CPN2: variants seen among roughly 807,000 people sequenced by gnomAD.
CPN2 encodes the protein carboxypeptidase N 83 kDa chain.
For missense variants in CPN2, 620 were observed against 671.4 expected (o/e 0.92, Z 0.85); for synonymous variants, 336 against 318.4 (o/e 1.06, Z -0.59).
At chr3:194,347,411 C>T (rs964013989) in intron 1 of CPN2, among the ~76,000 whole-genome samples, 3 of 152,120 alleles carry the variant, frequency 2.0e-5, no homozygotes, top group African/African-American at 4.8e-5. Flanking sequence ...TGCCACCCGA[C>T]GCTGGCTCCA....
intron 1 of CPN2, among the ~76,000 whole-genome samples, chr3:194,345,145 G>A (rs1430790915): frequency 6.6e-6 from 1 of 152,208 alleles, no homozygotes; most frequent in African/African-American, 2.4e-5. Flanking sequence ...TATGCCCAGA[G>A]CAGCAGTGAC....
At chr3:194,344,686 C>T (rs1000115445) in intron 1 of CPN2, among the ~76,000 whole-genome samples, 9 of 151,976 alleles carry the variant, frequency 5.9e-5, no homozygotes, top group Admixed American at 2.6e-4. Flanking sequence ...CAGAGTGAGA[C>T]GTCCATCTCA....
chr3:194,345,023 A>G (rs9868637), intron 1 of CPN2, among the ~76,000 whole-genome samples: 45,961 of 152,004 alleles, frequency 0.3, 7,411 homozygotes, highest in African/African-American at 0.4. Context: ...GAAAGAAGCC[A>G]CCCCTGACCC....
chr3:194,342,242 C>T lies in CPN2; in HGVS notation c.461G>A (p.Gly154Glu), dbSNP rs1712871628. 1 of 1,613,792 alleles carries T rather than the reference C, an allele frequency of 6.2e-7. No homozygotes were observed. The highest frequency in any genetic ancestry group is 1.7e-5 in the Admixed American group (1 of 60,000). Residue 154 changes from glycine (G) to glutamate (E), a missense_variant, in exon 2 of 2, where the codon GGG (glycine) becomes GAG (glutamate). Gly to Glu is a moderately conservative substitution (Grantham distance 98). Coordinates refer to ENST00000323830, the MANE Select transcript of CPN2 (RefSeq NM_001080513.4). ...CCTGGGCAGGGCCTGGAGCTGGTTC[C>T]CCTGCAGGTGGAGGGACTCCAGGGC... Reference protein sequence around the residue: ...LAALESLHLQGNQLQALPRRL... With the variant: ...LAALESLHLQENQLQALPRRL...
intron 1 of CPN2, among the ~76,000 whole-genome samples, chr3:194,346,870 A>G (rs1486987709): frequency 2.0e-5 from 3 of 152,158 alleles, no homozygotes; most frequent in African/African-American, 7.2e-5. Flanking sequence ...CTGTGAGCCA[A>G]TGAGACGCCT....
Position 194,341,756 on chromosome 3 carries a change from C to A in CPN2, c.947G>T (p.Arg316Leu). ...GGCATTGTATGAGAGCATGAGGGAA[C>A]GCAGGTTGGACAGGTGGGCAAAGGT... The part of the protein sequence containing the change: ...EGTFAHLSNL[R>L]SLMLSYNAIT... Residue 316 changes from arginine (R) to leucine (L), a missense_variant, in exon 2 of 2, where the codon CGT (arginine) becomes CTT (leucine). Transcript: ENST00000323830. The A allele has an allele frequency of 6.2e-7, 1 of 1,613,996 alleles. No individual in the cohort carries two copies. Among genetic ancestry groups the A allele is most frequent in the Non-Finnish European group, 8.5e-7 (1 of 1,180,018 alleles).
chr3:194,340,173 C>A lies in CPN2; in HGVS notation c.*892G>T, dbSNP rs1712750229. The A allele has an allele frequency of 6.6e-6, 1 of 152,108 alleles. No homozygotes were observed. The highest frequency in any genetic ancestry group is 6.6e-5 in the Admixed American group (1 of 15,262). The allele number at this position is 152,108 out of a possible 1,614,324, so 9.4% of individuals were successfully genotyped here. The stretch of plus-strand genomic sequence containing the variant: ...CAGGTTGTAAACTGTTTCTTATCGA[C>A]TTAAAAGGGGTGCCTGGCTCTTAGT... On this transcript the variant is annotated 3_prime_UTR_variant, in exon 2 of 2. Coordinates refer to ENST00000323830, the MANE Select transcript of CPN2 (RefSeq NM_001080513.4).
rs1712901645 is a variant in CPN2, at chr3:194,342,672, A to G, written c.31T>C (p.Ser11Pro). Residue 11 changes from serine to proline, a missense_variant, in exon 2 of 2, where the codon TCC becomes CCC. By Grantham distance (74) the Ser-to-Pro change is moderately conservative. Coordinates refer to ENST00000323830, the MANE Select transcript of CPN2 (RefSeq NM_001080513.4). MLPGAWLLWTSLLLLARPAQP... is the reference protein window; with the variant it reads MLPGAWLLWTPLLLLARPAQP... ...GCAGGCCTGGCCAGGAGCAGGAGGG[A>G]GGTCCAGAGCAGCCAGGCTCCAGGG... is the stretch of plus-strand genomic sequence containing the variant. 2 of 1,571,812 alleles carry G rather than the reference A, an allele frequency of 1.3e-6. No individual in the cohort carries two copies. The highest frequency in any genetic ancestry group is 1.7e-6 in the Non-Finnish European group (2 of 1,147,818).
At chr3:194,348,327 C>CCACCTCACCCTCTGCCCAGTTCAGCT in intron 1 of CPN2, among the ~76,000 whole-genome samples, 1 of 150,060 alleles carries the variant, frequency 6.7e-6, no homozygotes, top group East Asian at 2.0e-4. Flanking sequence ...CCAGTTCAGC[C>CCACCTCACCCTCTGCCCAGTTCAGCT]CACCCCATCC....
Position 194,342,449 on chromosome 3 carries a change from A to G in CPN2, c.254T>C (p.Leu85Pro), listed in dbSNP as rs201809842. ...GAAGGCATCCGGCCTAAACTGGCAG[A>G]GCTGAGTGTTGAGGAAGACCACCTT... is the stretch of plus-strand genomic sequence containing the variant. Reference protein sequence around the residue: ...LTKVVFLNTQLCQFRPDAFGG... With the variant: ...LTKVVFLNTQPCQFRPDAFGG... Residue 85 changes from leucine to proline, a missense_variant, in exon 2 of 2, where the codon CTC becomes CCC. Physicochemically the swap from Leu to Pro is moderately conservative, Grantham distance 98. Transcript: ENST00000323830. 6.2e-7 allele frequency: 1 copy of G among 1,614,240 alleles called. No individual in the cohort carries two copies. The highest frequency in any genetic ancestry group is 2.2e-5 in the East Asian group (1 of 44,894).
chr3:194,340,762 T>C lies in CPN2; in HGVS notation c.*303A>G, dbSNP rs574964468. Reference sequence around the variant, plus strand: ...GTGAGAGCGGTTGGGTGTTACATAATGGGGAGGCATCAGGGCTGAGGATAT... The same window carrying C: ...GTGAGAGCGGTTGGGTGTTACATAACGGGGAGGCATCAGGGCTGAGGATAT... On this transcript the variant is annotated 3_prime_UTR_variant, in exon 2 of 2. Coordinates refer to ENST00000323830, the MANE Select transcript of CPN2 (RefSeq NM_001080513.4). 23 of 348,586 alleles carry C rather than the reference T, an allele frequency of 6.6e-5. No homozygotes were observed. The highest frequency in any genetic ancestry group is 4.7e-4 in the African/African-American group (23 of 49,442). 21.6% of individuals were successfully genotyped at this position (348,586 alleles called of 1,614,324 possible).
chr3:194,351,175 C>T (rs560275045), intron 1 of CPN2, 67 bp downstream of exon 1: 42 of 152,386 alleles, frequency 2.8e-4, no homozygotes, highest in African/African-American at 9.9e-4. Flanking sequence ...GGGGAGATCG[C>T]AAGTTCCCGT....
chr3:194,341,042 C>A lies in CPN2; in HGVS notation c.*23G>T. ...TGGTCAGGCCCCAGAGGCCCCCTTC[C>A]CCAGCTCCTGTATGCGCTGCTACTA... is the stretch of plus-strand genomic sequence containing the variant. On this transcript the variant is annotated 3_prime_UTR_variant, in exon 2 of 2. Coordinates refer to ENST00000323830, the MANE Select transcript of CPN2 (RefSeq NM_001080513.4). The A allele has an allele frequency of 6.4e-7, 1 of 1,565,776 alleles. No homozygotes were observed. Among genetic ancestry groups the A allele is most frequent in the Admixed American group, 1.8e-5 (1 of 56,834 alleles).
rs369285370 is a variant in CPN2 at position 194,341,014 on chromosome 3, G to C, written c.*51C>G. On this transcript the variant is annotated 3_prime_UTR_variant, in exon 2 of 2. Coordinates refer to ENST00000323830, the MANE Select transcript of CPN2 (RefSeq NM_001080513.4). Reference sequence around the variant, plus strand: ...CAGCTCCCCTCCGCCCCTACCTGTCGCCTGGTCAGGCCCCAGAGGCCCCCT... The same window carrying C: ...CAGCTCCCCTCCGCCCCTACCTGTCCCCTGGTCAGGCCCCAGAGGCCCCCT... The C allele has an allele frequency of 3.3e-6, 5 of 1,520,026 alleles. No homozygotes were observed. In the South Asian group the frequency reaches 6.4e-5, roughly 19 times the overall value. 94.2% of individuals were successfully genotyped at this position (1,520,026 alleles called of 1,614,324 possible). A position where few individuals can be genotyped will look rare whatever the true frequency, so the allele number is the denominator to read the frequency against.
chr3:194,345,488 G>A (rs947503467), intron 1 of CPN2, among the ~76,000 whole-genome samples: 6 of 152,152 alleles, frequency 3.9e-5, no homozygotes, highest in East Asian at 3.8e-4. Flanking sequence ...CACTGTGCCC[G>A]GCAAATTCTT....
rs201648991 is a variant in CPN2, at chr3:194,342,311, T to C, written c.392A>G (p.Asn131Ser). 4 of 1,613,682 alleles carry C rather than the reference T, an allele frequency of 2.5e-6. No individual in the cohort carries two copies. In the African/African-American group the frequency reaches 4.0e-5, roughly 16 times the overall value. The change falls in exon 2 of 2, where the codon AAC becomes AGC. Residue 131 changes from asparagine to serine, a missense_variant. Transcript: ENST00000323830. The stretch of plus-strand genomic sequence containing the variant: ...ACCCTCGGGCAGAGCCTCCAGCATG[T>C]TGAAGTTGAGGGTGAGCTTGCCCAG... ...TSLGKLTLNF[N>S]MLEALPEGLF...
chr3:194,346,337 T>A (rs1713045833), intron 1 of CPN2, among the ~76,000 whole-genome samples: 1 of 152,198 alleles, frequency 6.6e-6, no homozygotes, highest in Non-Finnish European at 1.5e-5. Flanking sequence ...CATGTGCCCT[T>A]GGCACCCCTT....
intron 1 of CPN2, among the ~76,000 whole-genome samples, chr3:194,349,996 T>G (rs1035882044): frequency 6.6e-6 from 1 of 151,832 alleles, no homozygotes. Context: ...GAGATGGGGT[T>G]TCACTGTGTT....
intron 1 of CPN2, among the ~76,000 whole-genome samples, chr3:194,350,998 G>A (rs1328558208): frequency 6.6e-6 from 1 of 152,130 alleles, no homozygotes; most frequent in Non-Finnish European, 1.5e-5. Flanking sequence ...CTCACTACCA[G>A]CCTTGTAGGC....
Sources: allele counts gnomAD v4.1 joint callset (sites outside exome capture counted in the v4.1 genomes callset), GRCh38; gene constraint gnomAD v4.1.1; transcripts MANE v1.5; gene names NCBI Gene and HGNC (gene_info 2026-07-23, HGNC 2026-07-21).